The following VSTM4 variants were observed in gnomAD, a reference collection of about 807,000 sequenced individuals.
The protein encoded by VSTM4 is V-set and transmembrane domain-containing protein 4.
Under a neutral mutation model 36.4 loss-of-function variants are expected in VSTM4, and 20 were observed. The ratio of observed to expected loss-of-function variants is 0.55; its 90% CI spans 0.39 to 0.80. The LOEUF is 0.80. VSTM4 is among the 30% of genes least tolerant of loss of function. The pLI, the probability that VSTM4 is intolerant of heterozygous loss-of-function variation, is 0.00. For missense variants in VSTM4, 392 were observed against 404.5 expected, an observed-to-expected ratio of 0.97 and a Z score of 0.26; for synonymous variants, 182 against 173.9, an observed-to-expected ratio of 1.05 and a Z score of -0.37.
intron 2 of VSTM4, among the ~76,000 whole-genome samples, chr10:49,096,293 A>G (rs1449150921): frequency 6.6e-6 from 1 of 152,232 alleles, no homozygotes; most frequent in East Asian, 1.9e-4. Context: ...CAGATGAGAA[A>G]CCATATTATA....
intron 7 of VSTM4, among the ~76,000 whole-genome samples, chr10:49,025,661 T>C (rs1843249461): frequency 6.6e-6 from 1 of 152,202 alleles, no homozygotes; most frequent in Non-Finnish European, 1.5e-5. Flanking sequence ...GGCACCTGGC[T>C]CCAGCAGGGG....
At chr10:49,020,498 G>GT (rs1288864088) in intron 7 of VSTM4, among the ~76,000 whole-genome samples, 2 of 151,680 alleles carry the variant, frequency 1.3e-5, no homozygotes, top group African/African-American at 4.8e-5. Flanking sequence ...GGGAAAAAGC[G>GT]TAAGTGAATA....
At chr10:49,044,740 C>T (rs61850683) in intron 7 of VSTM4, among the ~76,000 whole-genome samples, 35,753 of 152,050 alleles carry the variant, frequency 0.24, 4,638 homozygotes, top group Non-Finnish European at 0.29. Context: ...TCCATTCCTT[C>T]ATGTTGGTGC....
intron 7 of VSTM4, among the ~76,000 whole-genome samples, chr10:49,032,938 C>CT (rs10713552): frequency 5.9e-4 from 85 of 143,332 alleles, no homozygotes; most frequent in African/African-American, 1.3e-3. Context: ...CACTCTGATT[C>CT]TTTTTTTTTT....
At chr10:49,069,477 C>T (rs1844034496) in intron 4 of VSTM4, among the ~76,000 whole-genome samples, 1 of 152,220 alleles carries the variant, frequency 6.6e-6, no homozygotes, top group African/African-American at 2.4e-5. Flanking sequence ...TCTCCTGCAG[C>T]CCAGCACAGG....
At chr10:49,069,778 G>C (rs1012250212) in intron 4 of VSTM4, among the ~76,000 whole-genome samples, 2 of 152,190 alleles carry the variant, frequency 1.3e-5, no homozygotes, top group Non-Finnish European at 2.9e-5. Flanking sequence ...AAGCCACTTA[G>C]AGGCCACATT....
At chr10:49,091,710 C>T (rs1357526163) in intron 2 of VSTM4, among the ~76,000 whole-genome samples, 2 of 152,188 alleles carry the variant, frequency 1.3e-5, no homozygotes, top group Non-Finnish European at 2.9e-5. Flanking sequence ...TCACCAAGGA[C>T]GCTGACATGC....
In VSTM4 at chr10:49,069,889, G is replaced by A. The variant is rs529311201; in HGVS notation, c.635-5153C>T. 2.6e-5 allele frequency among the ~76,000 whole-genome samples: 4 copies of A among 152,264 alleles called. No individual in the cohort carries two copies. The South Asian group carries it at 8.3e-4, about 32-fold the overall frequency. Reference sequence around the variant, plus strand: ...AGGTGGCTATCAAGTCCCAAAATGTGATGAATCCAAAATGAGATGTGCTGG... The same window carrying A: ...AGGTGGCTATCAAGTCCCAAAATGTAATGAATCCAAAATGAGATGTGCTGG... On this transcript the variant is annotated intron_variant, in intron 4 of 7. Transcript: ENST00000332853.
At chr10:49,060,585 ATATATTTTAGGAACAAGTTCTT>A (rs1564578178) in intron 5 of VSTM4, among the ~76,000 whole-genome samples, 1 of 152,146 alleles carries the variant, frequency 6.6e-6, no homozygotes, top group Non-Finnish European at 1.5e-5. Flanking sequence ...AGAGGTCTTT[ATATATTTTAGGAACAAGTTCTT>A]TATCGGTTAT....
At chr10:49,027,847 T>C (rs1417474232) in intron 7 of VSTM4, among the ~76,000 whole-genome samples, 1 of 152,242 alleles carries the variant, frequency 6.6e-6, no homozygotes, top group East Asian at 1.9e-4. Context: ...GCTGGATGAC[T>C]TGTGGGTTGT....
intron 7 of VSTM4, among the ~76,000 whole-genome samples, chr10:49,022,803 T>C (rs563622326): frequency 1.3e-5 from 2 of 152,324 alleles, no homozygotes; most frequent in African/African-American, 2.4e-5. Flanking sequence ...ATTGTCCAGG[T>C]GTGTTATTAC....
intron 1 of VSTM4, among the ~76,000 whole-genome samples, chr10:49,109,390 T>G (rs1313976507): frequency 2.0e-5 from 3 of 152,212 alleles, no homozygotes; most frequent in Non-Finnish European, 2.9e-5. Flanking sequence ...ATACAAACTA[T>G]TCTTCATTGT....
At chr10:49,059,351 GAGA>G (rs1421864184) in intron 5 of VSTM4, among the ~76,000 whole-genome samples, 1 of 152,222 alleles carries the variant, frequency 6.6e-6, no homozygotes, top group Non-Finnish European at 1.5e-5. Flanking sequence ...ATGGCTGGCA[GAGA>G]AGGAGGCAGC....
At chr10:49,019,886 G>T (rs1325758141) in intron 7 of VSTM4, 111 bp from the exon 8 acceptor site, 4 of 1,343,546 alleles carry the variant, frequency 3.0e-6, no homozygotes, top group Non-Finnish European at 3.9e-6. Context: ...ATTCAGCGAG[G>T]GATAAGTGGA....
intron 7 of VSTM4, among the ~76,000 whole-genome samples, chr10:49,041,030 T>C (rs1843513533): frequency 2.0e-5 from 3 of 152,216 alleles, no homozygotes; most frequent in Admixed American, 2.0e-4. Context: ...TTTTCTAAAT[T>C]ATCCACTAAC....
At chr10:49,031,959 T>C (rs193014909) in intron 7 of VSTM4, among the ~76,000 whole-genome samples, 1 of 152,126 alleles carries the variant, frequency 6.6e-6, no homozygotes, top group South Asian at 2.1e-4. Context: ...CAGCCTGAGA[T>C]GTTCTCCCCA....
chr10:49,083,240 G>A (rs767122906), intron 3 of VSTM4, among the ~76,000 whole-genome samples: 6 of 152,336 alleles, frequency 3.9e-5, no homozygotes, highest in Non-Finnish European at 8.8e-5. Flanking sequence ...TGCTCAGGGT[G>A]AAATACCTGA....
At chr10:49,083,893 C>A (rs1197897605) in intron 3 of VSTM4, among the ~76,000 whole-genome samples, 3 of 152,178 alleles carry the variant, frequency 2.0e-5, no homozygotes, top group Non-Finnish European at 2.9e-5. Context: ...GTTCTCTGAT[C>A]CCTTCCTAAT....
chr10:49,054,991 G>A lies in VSTM4; in HGVS notation c.669-6407C>T, dbSNP rs537456586. On this transcript the variant is annotated intron_variant, in intron 5 of 7. Coordinates refer to ENST00000332853, the MANE Select transcript of VSTM4 (RefSeq NM_001031746.5). ...ATTACAAATCAAAACACTTCTTTGA[G>A]GTCTGTTCAATCTTATTCCTTCTTG... Among the ~76,000 whole-genome samples, 21 of 152,316 alleles carry A rather than the reference G, an allele frequency of 1.4e-4. No individual in the cohort carries two copies. In the South Asian group the frequency reaches 3.9e-3, roughly 29 times the overall value.
Sources: gnomAD v4.1 joint callset for allele counts (sites outside exome capture counted in the v4.1 genomes callset) on GRCh38, gnomAD v4.1.1 for gene constraint, MANE v1.5 for transcripts, NCBI Gene and HGNC (gene_info 2026-07-23, HGNC 2026-07-21) for gene names.